C21orf91: variants seen among roughly 807,000 people sequenced by gnomAD.
C21orf91 encodes chromosome 21 open reading frame 91, also known as protein EURL homolog.
In C21orf91, 26 loss-of-function variants were observed where a neutral mutation model predicts 32.9. The ratio of observed to expected loss-of-function variants is 0.79; its 90% CI spans 0.58 to 1.10. The LOEUF (loss-of-function observed/expected upper bound fraction) is 1.10. Ranked by LOEUF, C21orf91 falls within the 50% of genes least tolerant of loss-of-function variation. The pLI is 0.00. For missense variants in C21orf91, 310 were observed against 341.3 expected (o/e 0.91, Z 0.72); for synonymous variants, 126 against 120.4 (o/e 1.05, Z -0.31).
At chr21:17,803,194 G>A (rs372168375) in intron 2 of C21orf91, among the ~76,000 whole-genome samples, 2 of 152,308 alleles carry the variant, frequency 1.3e-5, no homozygotes, top group African/African-American at 4.8e-5. Context: ...CATGATAAAT[G>A]TATTTGTGCA....
At chr21:17,808,211 C>A (rs2062610900) in intron 2 of C21orf91, among the ~76,000 whole-genome samples, 1 of 152,242 alleles carries the variant, frequency 6.6e-6, no homozygotes, top group Non-Finnish European at 1.5e-5. Flanking sequence ...CCAGCCATGG[C>A]TAAAAGGGCC....
intron 2 of C21orf91, chr21:17,808,876 T>G (rs969664881): frequency 6.6e-6 from 1 of 152,140 alleles, no homozygotes; most frequent in African/African-American, 2.4e-5. Flanking sequence ...ATCCCTAATA[T>G]TGGAGGAGGG....
At chr21:17,793,932 G>C (rs541168201) in intron 4 of C21orf91, among the ~76,000 whole-genome samples, 103 of 152,334 alleles carry the variant, frequency 6.8e-4, no homozygotes, top group African/African-American at 2.4e-3. Flanking sequence ...GTGCCTGTTA[G>C]TATTCAGGTC....
At chr21:17,805,098 A>G (rs973579715) in intron 2 of C21orf91, among the ~76,000 whole-genome samples, 4 of 152,256 alleles carry the variant, frequency 2.6e-5, no homozygotes, top group Admixed American at 6.5e-5. Flanking sequence ...GAGCTATGCA[A>G]TAAGGTAGCC....
chr21:17,794,635 T>C (rs1289589357), intron 4 of C21orf91, among the ~76,000 whole-genome samples: 1 of 152,202 alleles, frequency 6.6e-6, no homozygotes, highest in Non-Finnish European at 1.5e-5. Context: ...TGTTTGAAAT[T>C]GTTTATAATT....
chr21:17,802,628 T>C (rs1054800896), intron 2 of C21orf91, among the ~76,000 whole-genome samples: 4 of 152,206 alleles, frequency 2.6e-5, no homozygotes, highest in African/African-American at 9.6e-5. Flanking sequence ...TTCTACCACA[T>C]GTCCCATGAT....
chr21:17,809,296 A>G (rs2146259382), intron 2 of C21orf91, among the ~76,000 whole-genome samples: 1 of 152,388 alleles, frequency 6.6e-6, no homozygotes, highest in South Asian at 2.1e-4. Flanking sequence ...CAAAGTAAAC[A>G]GTAATATAAA....
chr21:17,810,093 T>A (rs1156409616), intron 2 of C21orf91, among the ~76,000 whole-genome samples: 1 of 152,200 alleles, frequency 6.6e-6, no homozygotes, highest in Non-Finnish European at 1.5e-5. Context: ...TAATGTAAAT[T>A]CACTCCAACC....
chr21:17,802,594 C>T (rs1048051626), intron 2 of C21orf91, among the ~76,000 whole-genome samples: 2 of 152,126 alleles, frequency 1.3e-5, no homozygotes, highest in African/African-American at 4.8e-5. Flanking sequence ...CTAAAAAACC[C>T]CACGAATATC....
chr21:17,805,715 G>A (rs917447126), intron 2 of C21orf91, among the ~76,000 whole-genome samples: 2 of 152,108 alleles, frequency 1.3e-5, no homozygotes, highest in African/African-American at 4.8e-5. Context: ...GGACTATAAG[G>A]TTTAATTAAC....
intron 2 of C21orf91, among the ~76,000 whole-genome samples, chr21:17,816,388 T>A (rs1191656281): frequency 2.0e-5 from 3 of 152,198 alleles, no homozygotes; most frequent in Admixed American, 2.0e-4. Context: ...AAAAATTCGA[T>A]CATGGCATGA....
Position 17,818,226 on chromosome 21 carries a change from GGA to G in C21orf91, c.91_92del (p.Ser31LeufsTer7). On this transcript the variant is annotated frameshift_variant, in exon 2 of 5. Coordinates refer to ENST00000284881, the MANE Select transcript of C21orf91 (RefSeq NM_001100420.2). LOFTEE classifies it high-confidence loss of function. ...TTAGCTCAAAACAAATGTGGCAGAA[GGA>G]GAGTGTTTCTTTGTCTGTTCCCAGT... ...CKLGTDKETL[S>X]FCHICFELNI... 3 of 1,610,414 alleles carry G rather than the reference GGA, an allele frequency of 1.9e-6. No individual in the cohort carries two copies. Among genetic ancestry groups the G allele is most frequent in the Non-Finnish European group, 2.5e-6 (3 of 1,176,700 alleles).
At chr21:17,817,813 T>A (rs1033495798) in intron 2 of C21orf91, 1 of 157,112 alleles carries the variant, frequency 6.4e-6, no homozygotes, top group Non-Finnish European at 1.4e-5. Context: ...ACTCAAATAC[T>A]TGCATAATAG....
At chr21:17,805,389 C>G (rs1023783768) in intron 2 of C21orf91, among the ~76,000 whole-genome samples, 1 of 152,202 alleles carries the variant, frequency 6.6e-6, no homozygotes, top group African/African-American at 2.4e-5. Flanking sequence ...TCTTGGCTCA[C>G]TGCAACCTCT....
chr21:17,808,422 T>C (rs1016689698), intron 2 of C21orf91, among the ~76,000 whole-genome samples: 1 of 152,214 alleles, frequency 6.6e-6, no homozygotes, highest in African/African-American at 2.4e-5. Context: ...GGAGACCATC[T>C]ACTAAGGCAG....
At chr21:17,801,479 C>T (rs1170506284) in intron 2 of C21orf91, among the ~76,000 whole-genome samples, 1 of 152,002 alleles carries the variant, frequency 6.6e-6, no homozygotes, top group Non-Finnish European at 1.5e-5. Flanking sequence ...ACCGTGTTAG[C>T]CAGGATGGTC....
Position 17,796,770 on chromosome 21 carries a change from T to C in C21orf91, c.476A>G (p.Gln159Arg), listed in dbSNP as rs757861893. The C allele has an allele frequency of 1.2e-6, 2 of 1,614,156 alleles. No homozygotes were observed. Among genetic ancestry groups the C allele is most frequent in the Admixed American group, 1.7e-5 (1 of 60,022 alleles). The change falls in exon 3 of 5, where the codon CAA becomes CGA. Residue 159 changes from glutamine to arginine, a missense_variant. Gln to Arg is a conservative substitution (Grantham distance 43, BLOSUM62 1). Coordinates refer to ENST00000284881, the MANE Select transcript of C21orf91 (RefSeq NM_001100420.2). ...GSAGGISNCT[Q>R]RILEQRENTD... is the part of the protein sequence containing the mutation. ...ATTTTCCCTCTGCTCCAAAATTCTTTGTGTACAGTTAGAGATGCCACCTGC... is the reference window on the plus strand; with the variant it reads ...ATTTTCCCTCTGCTCCAAAATTCTTCGTGTACAGTTAGAGATGCCACCTGC...
At position 17,797,005 on chromosome 21, in the gene C21orf91, T is replaced by G. The variant is rs1156756911; in HGVS notation, c.241A>C (p.Ser81Arg). 1 of 1,613,472 alleles carries G rather than the reference T, an allele frequency of 6.2e-7. No homozygotes were observed. The highest frequency in any genetic ancestry group is 8.5e-7 in the Non-Finnish European group (1 of 1,179,470). ...ATGGTTTTAACTTCTTCATAAGTAC[T>G]TTTTGAAAGCTTAGATCGAGGACAA... Reference protein sequence around the residue: ...QGCPRSKLSKSTYEEVKTILS... With the variant: ...QGCPRSKLSKRTYEEVKTILS... The change falls in exon 3 of 5, where the codon AGT becomes CGT. Residue 81 changes from serine (S) to arginine (R), a missense_variant. By Grantham distance (110) the Ser-to-Arg change is moderately radical (BLOSUM62 -1). Coordinates refer to ENST00000284881, the MANE Select transcript of C21orf91 (RefSeq NM_001100420.2).
At chr21:17,814,211 C>T (rs2062651070) in intron 2 of C21orf91, among the ~76,000 whole-genome samples, 1 of 152,188 alleles carries the variant, frequency 6.6e-6, no homozygotes, top group Non-Finnish European at 1.5e-5. Flanking sequence ...TTACTAGCTC[C>T]TGACCACCCT....
Sources: gnomAD v4.1 joint callset for allele counts (sites outside exome capture counted in the v4.1 genomes callset) on GRCh38, gnomAD v4.1.1 for gene constraint, MANE v1.5 for transcripts, NCBI Gene and HGNC (gene_info 2026-07-23, HGNC 2026-07-21) for gene names.